The following DLG2 variants were observed in gnomAD, a reference collection of about 807,000 sequenced individuals.
The protein encoded by DLG2 is discs large MAGUK scaffold protein 2, also known as disks large homolog 2.
A neutral mutation model predicts 132.5 loss-of-function variants in DLG2; 45 were observed. The observed-to-expected ratio is 0.34, with a 90% CI of 0.27 to 0.44. The LOEUF (loss-of-function observed/expected upper bound fraction) is 0.44. Ranked by LOEUF, DLG2 falls within the 20% of genes least tolerant of loss-of-function variation. The pLI, the probability that DLG2 is intolerant of heterozygous loss-of-function variation, is 1.00. For missense variants in DLG2, 1,045 were observed against 1,196.9 expected (o/e 0.87, Z 1.87); for synonymous variants, 424 against 419.6 (o/e 1.01, Z -0.13).
chr11:83,772,969 C>A (rs1405276608), intron 18 of DLG2, among the ~76,000 whole-genome samples: 1 of 152,124 alleles, frequency 6.6e-6, no homozygotes, highest in Non-Finnish European at 1.5e-5. Context: ...ATTTTTGAAC[C>A]CACATATTAT....
intron 8 of DLG2, among the ~76,000 whole-genome samples, chr11:84,235,039 T>C (rs534895263): frequency 8.5e-4 from 130 of 152,288 alleles, no homozygotes; most frequent in African/African-American, 3.0e-3. Context: ...AATAAGAACC[T>C]TGGTCTCCAC....
intron 6 of DLG2, among the ~76,000 whole-genome samples, chr11:85,070,106 G>A (rs904504989): frequency 2.0e-5 from 3 of 151,862 alleles, no homozygotes; most frequent in Non-Finnish European, 4.4e-5. Context: ...TGAACAATGA[G>A]AACACATGGA....
chr11:85,380,930 G>A (rs934583553), intron 3 of DLG2, among the ~76,000 whole-genome samples: 6 of 152,040 alleles, frequency 3.9e-5, no homozygotes, highest in African/African-American at 1.4e-4. Flanking sequence ...ACAAGACCAA[G>A]GGAAAAATGT....
chr11:84,041,322 A>G (rs958590121), intron 11 of DLG2, among the ~76,000 whole-genome samples: 5 of 151,998 alleles, frequency 3.3e-5, no homozygotes, highest in African/African-American at 1.2e-4. Flanking sequence ...TAGAATCACT[A>G]TGCCAAAGGG....
intron 19 of DLG2, among the ~76,000 whole-genome samples, chr11:83,590,190 T>C (rs932640067): frequency 2.0e-5 from 3 of 148,758 alleles, no homozygotes; most frequent in African/African-American, 4.9e-5. Flanking sequence ...AATATACATT[T>C]TTTTCAGCAC....
intron 4 of DLG2, among the ~76,000 whole-genome samples, chr11:85,188,559 T>C (rs1366725192): frequency 6.6e-6 from 1 of 152,112 alleles, no homozygotes; most frequent in Admixed American, 6.6e-5. Context: ...ACAATGACTT[T>C]AAAGCAAATA....
chr11:85,196,826 G>A (rs192859535), intron 4 of DLG2, among the ~76,000 whole-genome samples: 1 of 152,214 alleles, frequency 6.6e-6, no homozygotes, highest in East Asian at 1.9e-4. Flanking sequence ...ATTTCCCCCA[G>A]CCAAATATAA....
intron 6 of DLG2, among the ~76,000 whole-genome samples, chr11:84,611,042 C>CAT (rs2099594639): frequency 6.6e-6 from 1 of 151,334 alleles, no homozygotes. Context: ...CACACACACA[C>CAT]ACACACACAC....
chr11:84,108,487 T>C (rs1471881277), intron 9 of DLG2, among the ~76,000 whole-genome samples: 1 of 151,782 alleles, frequency 6.6e-6, no homozygotes, highest in Non-Finnish European at 1.5e-5. Context: ...AAGAGGAGTA[T>C]GATGTGAGGT....
intron 9 of DLG2, among the ~76,000 whole-genome samples, chr11:84,124,847 CTTTT>C (rs34177526): frequency 8.2e-6 from 1 of 121,226 alleles, no homozygotes; most frequent in South Asian, 2.6e-4. Context: ...CTTGTTTTCA[CTTTT>C]TTTTTTTTTT....
Position 84,871,245 on chromosome 11 carries a change from G to C in DLG2, c.357+240416C>G, listed in dbSNP as rs1323897711. 2.0e-5 allele frequency among the ~76,000 whole-genome samples: 3 copies of C among 152,160 alleles called. 1 individual carries two copies. Among genetic ancestry groups the C allele is most frequent in the Admixed American group, 2.0e-4 (3 of 15,280 alleles). On this transcript the variant is annotated intron_variant, in intron 6 of 27. Coordinates refer to ENST00000376104, the MANE Select transcript of DLG2 (RefSeq NM_001142699.3). ...ACCCTTTTCCAGGCTTCCTGCATAA[G>C]GATCTCAGATAGCTCCCTAGAATCT... is the stretch of plus-strand genomic sequence containing the variant.
chr11:85,503,923 C>A (rs1393790940), intron 3 of DLG2, among the ~76,000 whole-genome samples: 1 of 152,024 alleles, frequency 6.6e-6, no homozygotes, highest in Admixed American at 6.6e-5. Context: ...CACAGTGAGA[C>A]CCTGTCTCAA....
chr11:84,976,881 A>G (rs892481645), intron 6 of DLG2, among the ~76,000 whole-genome samples: 6 of 152,196 alleles, frequency 3.9e-5, no homozygotes, highest in African/African-American at 1.4e-4. Context: ...ATAAGGAAAG[A>G]AATCTGTGCT....
At chr11:83,854,768 A>G (rs2060260232) in intron 16 of DLG2, among the ~76,000 whole-genome samples, 1 of 152,128 alleles carries the variant, frequency 6.6e-6, no homozygotes, top group African/African-American at 2.4e-5. Context: ...ATTTTATTAA[A>G]ATAGAACATA....
intron 8 of DLG2, among the ~76,000 whole-genome samples, chr11:84,216,634 G>C (rs2096839277): frequency 6.6e-6 from 1 of 152,092 alleles, no homozygotes; most frequent in Non-Finnish European, 1.5e-5. Context: ...GTAGGAAATA[G>C]GGCTAAGAGT....
At chr11:85,058,664 C>T (rs1426840753) in intron 6 of DLG2, among the ~76,000 whole-genome samples, 1 of 151,414 alleles carries the variant, frequency 6.6e-6, no homozygotes, top group Non-Finnish European at 1.5e-5. Flanking sequence ...AGATAGTGCT[C>T]AGTTTGCATA....
intron 5 of DLG2, among the ~76,000 whole-genome samples, chr11:85,124,860 T>C (rs563898902): frequency 6.6e-6 from 1 of 151,656 alleles, no homozygotes; most frequent in South Asian, 2.1e-4. Flanking sequence ...AGACGGAGTC[T>C]CGCTGTGTCG....
At chr11:83,894,512 A>T (rs2070970149) in intron 15 of DLG2, among the ~76,000 whole-genome samples, 1 of 152,220 alleles carries the variant, frequency 6.6e-6, no homozygotes, top group African/African-American at 2.4e-5. Context: ...AATTAAATAA[A>T]GTTAAAATTG....
chr11:85,513,633 C>A (rs1436506478), intron 3 of DLG2, among the ~76,000 whole-genome samples: 1 of 151,950 alleles, frequency 6.6e-6, no homozygotes, highest in Admixed American at 6.6e-5. Context: ...GTACAAACTT[C>A]TACTTTCTAA....
Sources: gnomAD v4.1 joint callset for allele counts (sites outside exome capture counted in the v4.1 genomes callset) on GRCh38, gnomAD v4.1.1 for gene constraint, MANE v1.5 for transcripts, NCBI Gene and HGNC (gene_info 2026-07-23, HGNC 2026-07-21) for gene names.